PDGFRL: variants seen among roughly 807,000 people sequenced by gnomAD.
The protein encoded by PDGFRL is platelet derived growth factor receptor like, also known as platelet-derived growth factor receptor-like protein.
Under a neutral mutation model 37.2 loss-of-function variants are expected in PDGFRL, and 46 were observed. The observed-to-expected ratio is 1.24, with a 90% CI of 0.98 to 1.58. The LOEUF is 1.58. PDGFRL is among the 40% of genes most tolerant of loss of function. The pLI, the probability that PDGFRL is intolerant of heterozygous loss-of-function variation, is 0.00. For synonymous variants in PDGFRL, 251 were observed against 184.3 expected (o/e 1.36, Z -2.93); for missense variants, 692 against 467.6 (o/e 1.48, Z -4.43).
chr8:17,634,233 C>G lies in PDGFRL; in HGVS notation c.939+20C>G, dbSNP rs200491689. On this transcript the variant is annotated intron_variant, in intron 5 of 5. Coordinates refer to ENST00000251630, the MANE Select transcript of PDGFRL (RefSeq NM_001372073.1). ...CAGAAGGTAAGTGTTGTACCTGCAT[C>G]TCAGCCCCTGCGTCTCAGCCTCTGC... The G allele has an allele frequency of 1.3e-6, 2 of 1,585,878 alleles. No homozygotes were observed. The highest frequency in any genetic ancestry group is 8.6e-7 in the Non-Finnish European group (1 of 1,162,436).
chr8:17,611,399 G>A (rs1804408887), intron 2 of PDGFRL, among the ~76,000 whole-genome samples: 1 of 152,212 alleles, frequency 6.6e-6, no homozygotes, highest in African/African-American at 2.4e-5. Context: ...GCCAGTAACT[G>A]GTAGAGGCAG....
At chr8:17,600,077 T>C (rs573310425) in intron 2 of PDGFRL, among the ~76,000 whole-genome samples, 2 of 152,296 alleles carry the variant, frequency 1.3e-5, no homozygotes, top group African/African-American at 2.4e-5. Flanking sequence ...CACACCCAGT[T>C]CCCTGGGAGG....
At chr8:17,583,682 C>G (rs1401215955) in intron 1 of PDGFRL, among the ~76,000 whole-genome samples, 1 of 151,992 alleles carries the variant, frequency 6.6e-6, no homozygotes, top group African/African-American at 2.4e-5. Context: ...GGGGGTGGAC[C>G]CCTCATGAAT....
chr8:17,596,515 T>C (rs1032288720), intron 2 of PDGFRL: 1 of 361,098 alleles, frequency 2.8e-6, no homozygotes, highest in East Asian at 4.0e-5. Flanking sequence ...ATCTTAAGCT[T>C]AGAGGATTCC....
intron 2 of PDGFRL, among the ~76,000 whole-genome samples, chr8:17,597,444 A>G (rs538513617): frequency 5.1e-4 from 77 of 152,342 alleles, no homozygotes; most frequent in Non-Finnish European, 8.5e-4. Context: ...ACACTCACCT[A>G]CAAAAGCAGG....
Position 17,602,482 on chromosome 8 carries a change from G to A in PDGFRL, c.353+12717G>A, listed in dbSNP as rs574388296. On this transcript the variant is annotated intron_variant, in intron 2 of 5. Coordinates refer to ENST00000251630, the MANE Select transcript of PDGFRL (RefSeq NM_001372073.1). ...CTTCAGGCAAGAGAGAGTAATCATC[G>A]AATTTTTTTTTAAAGCTGTAGACTA... 7.6e-4 allele frequency among the ~76,000 whole-genome samples: 116 copies of A among 152,144 alleles called. 2 individuals are homozygous for A. Among genetic ancestry groups the A allele is most frequent in the African/African-American group, 2.7e-3 (112 of 41,464 alleles).
intron 1 of PDGFRL, among the ~76,000 whole-genome samples, chr8:17,588,967 A>T (rs531516749): frequency 6.6e-6 from 1 of 152,304 alleles, no homozygotes; most frequent in Non-Finnish European, 1.5e-5. Flanking sequence ...TTGGAGCTGA[A>T]ATATTTTTTA....
intron 5 of PDGFRL, among the ~76,000 whole-genome samples, chr8:17,641,701 A>C (rs185361717): frequency 2.4e-3 from 372 of 152,230 alleles, no homozygotes; most frequent in African/African-American, 8.7e-3. Flanking sequence ...AGCACGGAAT[A>C]ATCCCTTTGT....
intron 5 of PDGFRL, among the ~76,000 whole-genome samples, chr8:17,642,401 G>A (rs1292235995): frequency 1.3e-5 from 2 of 152,164 alleles, no homozygotes; most frequent in Non-Finnish European, 2.9e-5. Flanking sequence ...GCCAAACAAC[G>A]TAATGAAATT....
intron 2 of PDGFRL, among the ~76,000 whole-genome samples, chr8:17,595,870 G>T (rs1237751567): frequency 6.6e-6 from 1 of 152,220 alleles, no homozygotes. Flanking sequence ...ACAACTCGAG[G>T]GGCCTTTTGA....
At position 17,642,843 on chromosome 8, in the gene PDGFRL, G is replaced by C; in HGVS notation, c.*42G>C. 1 of 1,299,438 alleles carries C rather than the reference G, an allele frequency of 7.7e-7. No individual in the cohort carries two copies. The highest frequency in any genetic ancestry group is 1.1e-6 in the Non-Finnish European group (1 of 901,960). 80.5% of individuals were successfully genotyped at this position (1,299,438 alleles called of 1,614,324 possible). ...TAATGAACTTATGGAAAGCCCATTT[G>C]TGTACACAGTCAGCTTTGGGGTTCC... is the stretch of plus-strand genomic sequence containing the variant. On this transcript the variant is annotated 3_prime_UTR_variant, in exon 6 of 6. Coordinates refer to ENST00000251630, the MANE Select transcript of PDGFRL (RefSeq NM_001372073.1).
At position 17,642,599 on chromosome 8, in the gene PDGFRL, G is replaced by C. The variant is rs1805161024; in HGVS notation, c.940-14G>C. On this transcript the variant is annotated splice_polypyrimidine_tract_variant and intron_variant, in intron 5 of 5. Transcript: ENST00000251630. ...GTCCCTCTTGCTTCAGTCTTTGTGG[G>C]TGTCGTTAAACAGGATGAAAGGCCT... 1.3e-6 allele frequency: 2 copies of C among 1,564,970 alleles called. No individual in the cohort carries two copies. Among genetic ancestry groups the C allele is most frequent in the South Asian group, 1.1e-5 (1 of 89,904 alleles).
upstream of PDGFRL, chr8:17,576,657 G>A: frequency 2.1e-6 from 2 of 958,784 alleles, no homozygotes. Context: ...TTCCTGTAAT[G>A]AACCCGTCCT....
chr8:17,641,812 T>C (rs939018695), intron 5 of PDGFRL, among the ~76,000 whole-genome samples: 5 of 150,752 alleles, frequency 3.3e-5, no homozygotes, highest in African/African-American at 1.2e-4. Flanking sequence ...TGGGGAATAG[T>C]GTTTTCCGGC....
At chr8:17,619,777 C>G (rs1371008899) in intron 2 of PDGFRL, among the ~76,000 whole-genome samples, 2 of 152,182 alleles carry the variant, frequency 1.3e-5, no homozygotes, top group Admixed American at 6.5e-5. Flanking sequence ...AGCAAAACAC[C>G]AGGCCAAGGC....
chr8:17,629,088 T>G (rs1456458912), intron 4 of PDGFRL, among the ~76,000 whole-genome samples: 2 of 97,988 alleles, frequency 2.0e-5, no homozygotes, highest in African/African-American at 8.3e-5. Flanking sequence ...CTGCTAACTT[T>G]TTTTTTTTTT....
At chr8:17,590,519 C>T (rs1437356714) in intron 2 of PDGFRL, among the ~76,000 whole-genome samples, 1 of 151,942 alleles carries the variant, frequency 6.6e-6, no homozygotes, top group Non-Finnish European at 1.5e-5. Flanking sequence ...GGAGATTAGC[C>T]TGGCCAACAT....
intron 1 of PDGFRL, among the ~76,000 whole-genome samples, chr8:17,578,709 C>A (rs553941781): frequency 8.4e-4 from 128 of 152,286 alleles, no homozygotes; most frequent in Non-Finnish European, 1.4e-3. Flanking sequence ...AAATTGACTT[C>A]CATTCTGCCT....
chr8:17,582,883 G>C (rs941197766), intron 1 of PDGFRL, among the ~76,000 whole-genome samples: 3 of 152,246 alleles, frequency 2.0e-5, no homozygotes, highest in African/African-American at 4.8e-5. Flanking sequence ...AATGGTTTTG[G>C]GGGGCAGGCC....
Sources: allele counts gnomAD v4.1 joint callset (sites outside exome capture counted in the v4.1 genomes callset), GRCh38; gene constraint gnomAD v4.1.1; transcripts MANE v1.5; gene names NCBI Gene and HGNC (gene_info 2026-07-23, HGNC 2026-07-21).